The following ZBBX variants were observed in gnomAD, a reference collection of about 807,000 sequenced individuals.
The protein encoded by ZBBX is zinc finger B-box domain-containing protein 1.
In ZBBX, 101 loss-of-function variants were observed where a neutral mutation model predicts 108.5. The ratio of observed to expected loss-of-function variants is 0.93; its 90% CI spans 0.79 to 1.10. The LOEUF is 1.10. Among genes scored for constraint, ZBBX ranks in the 50% least tolerant of loss-of-function variants. The pLI is 0.00. For synonymous variants in ZBBX, 356 were observed against 323.4 expected (o/e 1.10, Z -1.08); for missense variants, 1,009 against 941.4 (o/e 1.07, Z -0.94).
rs149212065 is a variant in ZBBX at position 167,252,521 on chromosome 3, T to C, written c.2255-9878A>G. On this transcript the variant is annotated intron_variant, in intron 20 of 21. Coordinates refer to ENST00000675490, the MANE Select transcript of ZBBX (RefSeq NM_001199201.2). The stretch of plus-strand genomic sequence containing the variant: ...TTGGGTTGATTAGCCTGATATGTCA[T>C]CTTCTTCCTTTCTCAGAGTGACCGT... Among the ~76,000 whole-genome samples, 483 of 151,906 alleles carry C rather than the reference T, an allele frequency of 3.2e-3. 3 individuals are homozygous for C. The highest frequency in any genetic ancestry group is 2.8e-3 in the Non-Finnish European group (189 of 67,996).
intron 20 of ZBBX, among the ~76,000 whole-genome samples, chr3:167,266,053 C>T (rs1725402493): frequency 6.6e-6 from 1 of 152,188 alleles, no homozygotes; most frequent in South Asian, 2.1e-4. Context: ...AAACCAGGTA[C>T]TGTGATTACT....
At chr3:167,251,545 G>A (rs1295454609) in intron 20 of ZBBX, among the ~76,000 whole-genome samples, 1 of 152,140 alleles carries the variant, frequency 6.6e-6, no homozygotes, top group African/African-American at 2.4e-5. Context: ...CCTGTGAGGG[G>A]GACGGGGGAT....
At position 167,306,167 on chromosome 3, in the gene ZBBX, G is replaced by T. The variant is rs530833033; in HGVS notation, c.1418-217C>A. Among the ~76,000 whole-genome samples the T allele has an allele frequency of 2.0e-5, 3 of 152,198 alleles. 1 individual carries two copies. The South Asian group carries it at 6.2e-4, about 32-fold the overall frequency. On this transcript the variant is annotated intron_variant, in intron 16 of 21. Transcript: ENST00000675490. The stretch of plus-strand genomic sequence containing the variant: ...TATAGAACCAAACATTAATGAGCTA[G>T]ACTAGTAAAAGAAGGTAATATTTTA...
chr3:167,185,119 C>G, the ZBBX span, among the ~76,000 whole-genome samples: 3 of 152,008 alleles, frequency 2.0e-5, no homozygotes, highest in African/African-American at 7.3e-5. Flanking sequence ...TGGAGCAAAC[C>G]TAAACGTTTC....
intron 9 of ZBBX, among the ~76,000 whole-genome samples, chr3:167,336,456 A>G (rs1177526699): frequency 2.0e-5 from 3 of 152,154 alleles, no homozygotes; most frequent in Admixed American, 6.5e-5. Context: ...AAGGCTGTGT[A>G]TGTATACCTT....
the ZBBX span, among the ~76,000 whole-genome samples, chr3:167,197,652 T>A: frequency 1.3e-5 from 2 of 152,198 alleles, no homozygotes; most frequent in African/African-American, 4.8e-5. Flanking sequence ...TGAGAGCATA[T>A]ACAATAAGAA....
chr3:167,390,799 G>C (rs1452837856), intron 1 of ZBBX, among the ~76,000 whole-genome samples: 2 of 151,792 alleles, frequency 1.3e-5, no homozygotes, highest in Non-Finnish European at 2.9e-5. Context: ...TCTGTTATTG[G>C]TTTATAGAAT....
the ZBBX span, among the ~76,000 whole-genome samples, chr3:167,226,717 C>T: frequency 6.6e-6 from 1 of 151,656 alleles, no homozygotes; most frequent in African/African-American, 2.4e-5. Flanking sequence ...CAGATCTCAA[C>T]TGAAATACAA....
the ZBBX span, among the ~76,000 whole-genome samples, chr3:167,212,028 T>A: frequency 2.0e-5 from 3 of 152,130 alleles, no homozygotes; most frequent in Non-Finnish European, 4.4e-5. Flanking sequence ...TCCTCCTCAC[T>A]GGGTGGGATC....
At chr3:167,399,727 G>A (rs1464445922) in intron 1 of ZBBX, 1 of 152,008 alleles carries the variant, frequency 6.6e-6, no homozygotes, top group African/African-American at 2.4e-5. Flanking sequence ...TTTTATTTTA[G>A]CCTCATGGAT....
At chr3:167,275,633 C>T (rs1478698885) in intron 20 of ZBBX, among the ~76,000 whole-genome samples, 2 of 152,230 alleles carry the variant, frequency 1.3e-5, no homozygotes, top group Non-Finnish European at 2.9e-5. Flanking sequence ...GTCCTACACC[C>T]ACAGAATCTC....
chr3:167,188,090 A>G, the ZBBX span, among the ~76,000 whole-genome samples: 180 of 152,314 alleles, frequency 1.2e-3, no homozygotes, highest in African/African-American at 4.0e-3. Flanking sequence ...CTCAGATTAA[A>G]GGCAATGTAA....
chr3:167,397,855 CA>C (rs34314883), intron 1 of ZBBX, among the ~76,000 whole-genome samples: 59,458 of 140,968 alleles, frequency 0.42, 12,341 homozygotes, highest in East Asian at 0.75. Flanking sequence ...AACTCACTTG[CA>C]AAAAAAAAAA....
chr3:167,390,750 C>G (rs560651270), intron 1 of ZBBX, among the ~76,000 whole-genome samples: 1 of 152,162 alleles, frequency 6.6e-6, no homozygotes, highest in African/African-American at 2.4e-5. Context: ...TTCTTTGTAG[C>G]AGTTGTGAAT....
chr3:167,370,024 G>T (rs1177946839), intron 4 of ZBBX, among the ~76,000 whole-genome samples: 1 of 152,120 alleles, frequency 6.6e-6, no homozygotes, highest in Non-Finnish European at 1.5e-5. Context: ...ATGAGAAATT[G>T]GGATTTATAT....
At chr3:167,252,144 G>T (rs750208853) in intron 20 of ZBBX, 4 of 1,289,050 alleles carry the variant, frequency 3.1e-6, no homozygotes, top group Non-Finnish European at 4.0e-6. Context: ...GTTATTTTCT[G>T]TCTTATTCTC....
chr3:167,211,309 G>T, the ZBBX span, among the ~76,000 whole-genome samples: 1 of 152,174 alleles, frequency 6.6e-6, no homozygotes, highest in Non-Finnish European at 1.5e-5. Flanking sequence ...TTGACAGACA[G>T]AGCTACGTGG....
chr3:167,380,886 A>T (rs986730820), upstream of ZBBX, among the ~76,000 whole-genome samples: 2 of 151,668 alleles, frequency 1.3e-5, no homozygotes, highest in Non-Finnish European at 2.9e-5. Context: ...ACACACACAC[A>T]CACACACACA....
intron 20 of ZBBX, among the ~76,000 whole-genome samples, chr3:167,257,055 C>T (rs985955455): frequency 1.2e-4 from 19 of 152,124 alleles, no homozygotes; most frequent in African/African-American, 4.6e-4. Context: ...CCAAACTGTT[C>T]TCCATAGTGT....
Sources: allele counts gnomAD v4.1 joint callset (sites outside exome capture counted in the v4.1 genomes callset), GRCh38; gene constraint gnomAD v4.1.1; transcripts MANE v1.5; gene names NCBI Gene and HGNC (gene_info 2026-07-23, HGNC 2026-07-21).